The following IQCM variants were observed in gnomAD, a reference collection of about 807,000 sequenced individuals.
The protein encoded by IQCM is IQ motif containing M.
In IQCM, 45 loss-of-function variants were observed where a neutral mutation model predicts 57.6. The ratio of observed to expected loss-of-function variants is 0.78; its 90% CI spans 0.62 to 1.00. IQCM has a LOEUF of 1.00. IQCM is among the 50% of genes least tolerant of loss of function. The pLI is 0.00. For missense variants in IQCM, 468 were observed against 511.6 expected, an observed-to-expected ratio of 0.91 and a Z score of 0.82; for synonymous variants, 148 against 158.9, an observed-to-expected ratio of 0.93 and a Z score of 0.51.
chr4:149,727,658 C>A (rs1407304509), intron 5 of IQCM, among the ~76,000 whole-genome samples: 2 of 152,096 alleles, frequency 1.3e-5, no homozygotes, highest in Non-Finnish European at 2.9e-5. Flanking sequence ...AGGGAGGAAA[C>A]ATTTATCCAC....
At chr4:149,768,031 T>C (rs952061966) in intron 2 of IQCM, among the ~76,000 whole-genome samples, 1 of 152,106 alleles carries the variant, frequency 6.6e-6, no homozygotes, top group Non-Finnish European at 1.5e-5. Context: ...GTGAAATGAA[T>C]GTGATAATCA....
chr4:149,542,580 C>T (rs1747959310), intron 12 of IQCM, among the ~76,000 whole-genome samples: 1 of 151,974 alleles, frequency 6.6e-6, no homozygotes, highest in Non-Finnish European at 1.5e-5. Flanking sequence ...CGAGCATATC[C>T]CCTCCTCTAG....
intron 2 of IQCM, among the ~76,000 whole-genome samples, chr4:149,762,011 C>CA (rs144548315): frequency 0.02 from 3,022 of 151,788 alleles, 107 homozygotes; most frequent in African/African-American, 0.07. Flanking sequence ...AAGTATCCTC[C>CA]AAAAAAATCA....
At chr4:149,765,588 G>A (rs1488566707) in intron 2 of IQCM, among the ~76,000 whole-genome samples, 1 of 152,030 alleles carries the variant, frequency 6.6e-6, no homozygotes, top group Non-Finnish European at 1.5e-5. Flanking sequence ...AACTGCCCTT[G>A]TAAAATTAAT....
chr4:149,775,040 CAAAAA>C (rs35383107), intron 2 of IQCM, among the ~76,000 whole-genome samples: 3 of 87,056 alleles, frequency 3.4e-5, no homozygotes, highest in Admixed American at 1.2e-4. Context: ...TTCTTTTTGC[CAAAAA>C]AAAAAAAAAA....
At chr4:149,462,325 T>G (rs1174080982) in intron 12 of IQCM, among the ~76,000 whole-genome samples, 5 of 152,162 alleles carry the variant, frequency 3.3e-5, no homozygotes. Context: ...AAAAGCAGAA[T>G]AATGATACTT....
chr4:149,803,754 G>A (rs1351447271), intron 2 of IQCM, among the ~76,000 whole-genome samples: 1 of 151,816 alleles, frequency 6.6e-6, no homozygotes, highest in Non-Finnish European at 1.5e-5. Flanking sequence ...TTTTGCTAGT[G>A]TTTTTGTTTT....
chr4:149,608,878 T>G (rs1367616825), intron 8 of IQCM, among the ~76,000 whole-genome samples: 1 of 150,876 alleles, frequency 6.6e-6, no homozygotes, highest in Non-Finnish European at 1.5e-5. Flanking sequence ...AAGCCAAAAT[T>G]AATAGAAGAG....
intron 12 of IQCM, among the ~76,000 whole-genome samples, chr4:149,536,264 T>C (rs972644329): frequency 6.6e-6 from 1 of 151,952 alleles, no homozygotes; most frequent in African/African-American, 2.4e-5. Context: ...TAGAATCCCA[T>C]GGGGAAAAGC....
At chr4:149,395,483 C>T (rs775295351) in intron 13 of IQCM, among the ~76,000 whole-genome samples, 9 of 151,818 alleles carry the variant, frequency 5.9e-5, no homozygotes, top group African/African-American at 2.2e-4. Context: ...ATGAGCATGC[C>T]GGATTAACTG....
intron 2 of IQCM, among the ~76,000 whole-genome samples, chr4:149,812,796 T>C (rs932526733): frequency 6.6e-6 from 1 of 152,134 alleles, no homozygotes; most frequent in African/African-American, 2.4e-5. Context: ...CTGACATAAA[T>C]TGAAGCTGAA....
chr4:149,607,686 T>C (rs373998095), intron 8 of IQCM, among the ~76,000 whole-genome samples: 2 of 152,192 alleles, frequency 1.3e-5, no homozygotes, highest in African/African-American at 4.8e-5. Context: ...GTTTTCTTTG[T>C]AATAAGAGTT....
intron 13 of IQCM, among the ~76,000 whole-genome samples, chr4:149,377,822 T>C (rs1383219245): frequency 6.6e-6 from 1 of 152,112 alleles, no homozygotes. Flanking sequence ...CAGCAAATGC[T>C]AAAAATCCTC....
intron 2 of IQCM, chr4:149,748,892 T>C (rs1392100758): frequency 6.6e-6 from 1 of 152,120 alleles, no homozygotes; most frequent in Non-Finnish European, 1.5e-5. Flanking sequence ...CCTTATAATA[T>C]AAAGAACTTT....
chr4:149,611,503 T>TA (rs1480636531), intron 8 of IQCM, among the ~76,000 whole-genome samples: 8 of 152,034 alleles, frequency 5.3e-5, no homozygotes, highest in African/African-American at 1.7e-4. Flanking sequence ...TATTCAGACA[T>TA]AAAAAGGATG....
At chr4:149,438,729 C>G (rs1372262822) in intron 12 of IQCM, among the ~76,000 whole-genome samples, 1 of 151,984 alleles carries the variant, frequency 6.6e-6, no homozygotes, top group East Asian at 1.9e-4. Flanking sequence ...ATGAAACTTT[C>G]TTACGTTTAG....
intron 12 of IQCM, among the ~76,000 whole-genome samples, chr4:149,483,981 G>C (rs1207607821): frequency 6.6e-6 from 1 of 151,872 alleles, no homozygotes; most frequent in African/African-American, 2.4e-5. Context: ...TTACAATCAT[G>C]ATATCCTCTT....
At position 149,575,864 on chromosome 4, in the gene IQCM, C is replaced by T. The variant is rs577675340; in HGVS notation, c.750-11974G>A. 2.5e-3 allele frequency among the ~76,000 whole-genome samples: 20 copies of T among 8,150 alleles called. 1 individual carries two copies. The South Asian group carries it at 0.099, about 40-fold the overall frequency. The allele number at this position is 8,150 out of a possible 152,430, so 5.3% of individuals were successfully genotyped here. On this transcript the variant is annotated intron_variant, in intron 9 of 13. Transcript: ENST00000636793. The stretch of plus-strand genomic sequence containing the variant: ...CAGGAGGCAGAAGACATTTTCCAGG[C>T]GCATGATATCATGTCTAAGGAAAGA...
intron 8 of IQCM, among the ~76,000 whole-genome samples, chr4:149,606,056 C>T (rs1431102018): frequency 6.6e-6 from 1 of 152,166 alleles, no homozygotes; most frequent in African/African-American, 2.4e-5. Flanking sequence ...CACCTTCTGA[C>T]TAAAATGGCA....
Sources: gnomAD v4.1 joint callset for allele counts (sites outside exome capture counted in the v4.1 genomes callset) on GRCh38, gnomAD v4.1.1 for gene constraint, MANE v1.5 for transcripts, NCBI Gene and HGNC (gene_info 2026-07-23, HGNC 2026-07-21) for gene names.